NTM: variants seen among roughly 807,000 people sequenced by gnomAD.
NTM encodes the protein IgLON family member 2.
NTM carries 13 observed loss-of-function variants against 42.1 expected under a neutral mutation model. The observed-to-expected ratio is 0.31, with a 90% CI of 0.20 to 0.49. The LOEUF is 0.49. Among genes scored for constraint, NTM ranks in the 20% least tolerant of loss-of-function variants. The pLI, the probability that NTM is intolerant of heterozygous loss-of-function variation, is 0.99. For synonymous variants in NTM, 187 were observed against 179.2 expected (o/e 1.04, Z -0.35); for missense variants, 373 against 452.8 (o/e 0.82, Z 1.60).
At chr11:132,111,209 C>T (rs775268982) in intron 2 of NTM, among the ~76,000 whole-genome samples, 3 of 150,118 alleles carry the variant, frequency 2.0e-5, no homozygotes, top group Non-Finnish European at 4.4e-5. Context: ...AGGAAGTCCC[C>T]AGAAATTTAT....
At chr11:131,451,695 G>A (rs1235680696) in intron 1 of NTM, among the ~76,000 whole-genome samples, 1 of 152,162 alleles carries the variant, frequency 6.6e-6, no homozygotes, top group East Asian at 1.9e-4. Flanking sequence ...TGACAGGGAG[G>A]CTCTAGCGGC....
chr11:132,039,167 C>T (rs1336388334), intron 2 of NTM, among the ~76,000 whole-genome samples: 4 of 152,174 alleles, frequency 2.6e-5, no homozygotes, highest in Non-Finnish European at 5.9e-5. Context: ...CCTTCTCCAG[C>T]AGCACTGCCT....
chr11:131,549,047 C>T (rs747728572), intron 1 of NTM, among the ~76,000 whole-genome samples: 12 of 152,106 alleles, frequency 7.9e-5, no homozygotes, highest in Admixed American at 3.9e-4. Flanking sequence ...AATGAATGAA[C>T]GAACTACAGA....
chr11:131,712,062 G>A (rs1430438581), intron 1 of NTM, among the ~76,000 whole-genome samples: 5 of 150,092 alleles, frequency 3.3e-5, no homozygotes, highest in Non-Finnish European at 7.4e-5. Context: ...CAGCACACCA[G>A]CATGGCACAT....
chr11:131,708,654 T>A (rs1222805142), intron 1 of NTM, among the ~76,000 whole-genome samples: 2 of 152,182 alleles, frequency 1.3e-5, no homozygotes, highest in Non-Finnish European at 2.9e-5. Context: ...ACAGTCAATA[T>A]AATACAAATC....
chr11:132,272,010 T>G (rs1406090286), intron 4 of NTM, among the ~76,000 whole-genome samples: 1 of 152,134 alleles, frequency 6.6e-6, no homozygotes, highest in Non-Finnish European at 1.5e-5. Flanking sequence ...CTTCTAAGAG[T>G]TATAGAACTT....
At chr11:132,330,295 A>T (rs1200253193) in intron 8 of NTM, 110 bp downstream of exon 8, 1 of 1,257,374 alleles carries the variant, frequency 8.0e-7, no homozygotes, top group African/African-American at 1.5e-5. Context: ...GAAGCAGCGC[A>T]GAGGGAACCC....
chr11:131,685,009 G>A (rs906258964), intron 1 of NTM, among the ~76,000 whole-genome samples: 5 of 152,230 alleles, frequency 3.3e-5, no homozygotes, highest in African/African-American at 1.2e-4. Context: ...AGCTGCTCAG[G>A]GCTGGGATAG....
intron 7 of NTM, among the ~76,000 whole-genome samples, chr11:132,318,550 C>A (rs552102384): frequency 3.3e-5 from 5 of 152,274 alleles, no homozygotes; most frequent in Admixed American, 3.3e-4. Context: ...TGTCTTTGCA[C>A]ATCCCTTCCA....
At chr11:131,651,848 C>G (rs2066527099) in intron 1 of NTM, among the ~76,000 whole-genome samples, 1 of 147,554 alleles carries the variant, frequency 6.8e-6, no homozygotes, top group Non-Finnish European at 1.5e-5. Flanking sequence ...CCCGCCCCCC[C>G]GACCCAAAAA....
At chr11:132,016,513 A>G (rs1565953452) in intron 2 of NTM, among the ~76,000 whole-genome samples, 1 of 152,014 alleles carries the variant, frequency 6.6e-6, no homozygotes, top group Admixed American at 6.6e-5. Context: ...CTATTATAAA[A>G]GTATAACACA....
chr11:131,640,453 T>C (rs191956373), intron 1 of NTM, among the ~76,000 whole-genome samples: 2 of 152,330 alleles, frequency 1.3e-5, no homozygotes, highest in Admixed American at 1.3e-4. Context: ...CTGCAGGCTC[T>C]CATCAGCCGT....
intron 1 of NTM, among the ~76,000 whole-genome samples, chr11:131,860,549 A>G (rs991133645): frequency 6.6e-6 from 1 of 152,220 alleles, no homozygotes; most frequent in Non-Finnish European, 1.5e-5. Context: ...CTAACATACC[A>G]GATTCCCAGA....
At chr11:132,060,592 G>A (rs1254326088) in intron 2 of NTM, among the ~76,000 whole-genome samples, 2 of 152,154 alleles carry the variant, frequency 1.3e-5, no homozygotes, top group African/African-American at 4.8e-5. Context: ...AAAAACTTTC[G>A]ACTCTGTCAC....
In NTM at chr11:132,180,031, C is replaced by A. The variant is rs757014549; in HGVS notation, c.401-31991C>A. Among the ~76,000 whole-genome samples, 41 of 152,086 alleles carry A rather than the reference C, an allele frequency of 2.7e-4. 1 individual carries two copies. The highest frequency in any genetic ancestry group is 9.2e-4 in the African/African-American group (38 of 41,402). The stretch of plus-strand genomic sequence containing the variant: ...CATTTTCAGAAAATTATTGGAAAAT[C>A]ATCACCGTTTCTTAAATCTCTTTAA... On this transcript the variant is annotated intron_variant, in intron 3 of 8. Coordinates refer to ENST00000683400, the MANE Select transcript of NTM (RefSeq NM_001352005.2).
intron 1 of NTM, among the ~76,000 whole-genome samples, chr11:131,398,963 A>G (rs2135662257): frequency 6.6e-6 from 1 of 152,358 alleles, no homozygotes; most frequent in African/African-American, 2.4e-5. Flanking sequence ...ATTACAATAA[A>G]AACTGCAATA....
intron 1 of NTM, among the ~76,000 whole-genome samples, chr11:131,614,703 A>C (rs1386213130): frequency 6.6e-6 from 1 of 152,180 alleles, no homozygotes; most frequent in Non-Finnish European, 1.5e-5. Context: ...GAGTTGTACA[A>C]CTGCCATTGT....
chr11:131,906,679 C>T (rs567163027), intron 1 of NTM, among the ~76,000 whole-genome samples: 13 of 152,276 alleles, frequency 8.5e-5, no homozygotes, highest in East Asian at 1.9e-4. Context: ...TGTCTACCTC[C>T]GATTGTTCTA....
chr11:131,971,684 A>G (rs1442914623), intron 2 of NTM, among the ~76,000 whole-genome samples: 3 of 151,814 alleles, frequency 2.0e-5, no homozygotes, highest in African/African-American at 7.3e-5. Context: ...TATATGTAAA[A>G]CTGATATATT....
Sources: gnomAD v4.1 joint callset for allele counts (sites outside exome capture counted in the v4.1 genomes callset) on GRCh38, gnomAD v4.1.1 for gene constraint, MANE v1.5 for transcripts, NCBI Gene and HGNC (gene_info 2026-07-23, HGNC 2026-07-21) for gene names.